NRXN3: variants seen among roughly 807,000 people sequenced by gnomAD.
NRXN3 encodes the protein neurexin 3, also known as neurexin III.
Under a neutral mutation model 137.6 loss-of-function variants are expected in NRXN3, and 32 were observed. The observed-to-expected ratio is 0.23, with a 90% CI of 0.18 to 0.31. The LOEUF (loss-of-function observed/expected upper bound fraction) is 0.31, where lower values mean the gene tolerates loss of function less well. Ranked by LOEUF, NRXN3 falls within the 10% of genes least tolerant of loss-of-function variation. The pLI, the probability that NRXN3 is intolerant of heterozygous loss-of-function variation, is 1.00. For synonymous variants in NRXN3, 798 were observed against 784.5 expected, an observed-to-expected ratio of 1.02 and a Z score of -0.29; for missense variants, 1,574 against 2,062.5, an observed-to-expected ratio of 0.76 and a Z score of 4.59.
At chr14:79,026,910 C>T (rs2099598825) in intron 15 of NRXN3, among the ~76,000 whole-genome samples, 1 of 117,258 alleles carries the variant, frequency 8.5e-6, no homozygotes, top group Admixed American at 8.7e-5. Context: ...CATGCGTGAT[C>T]CCAGAAAAAA....
At chr14:79,632,457 G>A (rs1204820363) in intron 16 of NRXN3, 2 of 152,272 alleles carry the variant, frequency 1.3e-5, no homozygotes, top group Non-Finnish European at 2.9e-5. Flanking sequence ...TCAGGACAGA[G>A]GGAGCAGAAG....
At chr14:79,296,280 G>A (rs148652719) in intron 15 of NRXN3, among the ~76,000 whole-genome samples, 2 of 152,216 alleles carry the variant, frequency 1.3e-5, no homozygotes, top group Non-Finnish European at 2.9e-5. Flanking sequence ...ACGTTGTAGT[G>A]TGACAAACAT....
intron 8 of NRXN3, among the ~76,000 whole-genome samples, chr14:78,760,590 A>G (rs750592288): frequency 3.3e-5 from 5 of 151,218 alleles, no homozygotes; most frequent in Non-Finnish European, 5.9e-5. Context: ...TTGAACATAC[A>G]TTTGGCAAGG....
rs191690043 is a variant in NRXN3, at chr14:79,497,851, A to G, written c.3444+30449A>G. ...GGAGCTCGAGACCAGCCTGGCCAAC[A>G]TAGTGAAACCCCGTCTCTACTAAAA... On this transcript the variant is annotated intron_variant, in intron 16 of 20. Transcript: ENST00000335750. Among the ~76,000 whole-genome samples the G allele has an allele frequency of 3.5e-3, 530 of 152,292 alleles. 4 individuals are homozygous for G. Among genetic ancestry groups the G allele is most frequent in the Middle Eastern group, 0.017 (5 of 294 alleles).
At chr14:79,581,055 TGTTAGGGC>T (rs2097710957) in intron 16 of NRXN3, among the ~76,000 whole-genome samples, 1 of 152,144 alleles carries the variant, frequency 6.6e-6, no homozygotes, top group African/African-American at 2.4e-5. Flanking sequence ...TCCGTGGTCC[TGTTAGGGC>T]ACCTTTTCCA....
chr14:79,241,771 G>A (rs2074342889), intron 15 of NRXN3, among the ~76,000 whole-genome samples: 1 of 152,060 alleles, frequency 6.6e-6, no homozygotes, highest in Non-Finnish European at 1.5e-5. Context: ...CATTCATGTT[G>A]AAAATTAAAT....
At chr14:78,749,626 C>A (rs916465595) in intron 8 of NRXN3, among the ~76,000 whole-genome samples, 2 of 152,136 alleles carry the variant, frequency 1.3e-5, no homozygotes, top group Admixed American at 1.3e-4. Context: ...TTTATTGTTT[C>A]ATTTATAATC....
intron 4 of NRXN3, among the ~76,000 whole-genome samples, chr14:78,402,030 T>C (rs936580031): frequency 2.0e-5 from 3 of 152,236 alleles, no homozygotes; most frequent in Non-Finnish European, 4.4e-5. Flanking sequence ...TGGTGAGTGA[T>C]GAATCACTGA....
chr14:78,759,081 C>T (rs917393208), intron 8 of NRXN3, among the ~76,000 whole-genome samples: 9 of 152,332 alleles, frequency 5.9e-5, no homozygotes, highest in Middle Eastern at 6.8e-3. Context: ...TTCACCCACA[C>T]CACAAATGTA....
chr14:79,765,321 T>C (rs2099052279), intron 19 of NRXN3, among the ~76,000 whole-genome samples: 1 of 152,222 alleles, frequency 6.6e-6, no homozygotes, highest in Non-Finnish European at 1.5e-5. Context: ...AATTCACTTG[T>C]AGCCTATCCA....
At chr14:79,279,616 T>A in intron 15 of NRXN3, 5 of 987,206 alleles carry the variant, frequency 5.1e-6, no homozygotes, top group Non-Finnish European at 6.0e-6. Flanking sequence ...TGGCTGCTGC[T>A]GCTGCTGGTT....
intron 10 of NRXN3, among the ~76,000 whole-genome samples, chr14:78,865,363 G>A (rs1012016936): frequency 1.3e-5 from 2 of 152,166 alleles, no homozygotes; most frequent in South Asian, 2.1e-4. Context: ...ATTAATGATA[G>A]TGAAGTTGTA....
chr14:78,180,978 A>G (rs1171798253), intron 1 of NRXN3, among the ~76,000 whole-genome samples: 2 of 152,210 alleles, frequency 1.3e-5, no homozygotes, highest in South Asian at 2.1e-4. Context: ...CTCTTTAGGG[A>G]CAAGAGCCTG....
rs115770539 is a variant in NRXN3 at position 78,561,124 on chromosome 14, C to T, written c.758-83996C>T. Among the ~76,000 whole-genome samples the T allele has an allele frequency of 3.8e-3, 580 of 152,284 alleles. 2 individuals carry two copies. Among genetic ancestry groups the T allele is most frequent in the African/African-American group, 0.012 (510 of 41,558 alleles). The stretch of plus-strand genomic sequence containing the variant: ...TATCTTGGACGTTCAGGGACCTATA[C>T]GCTCAGAAGCTTGGCTGCTTTTTGA... On this transcript the variant is annotated intron_variant, in intron 4 of 20. Coordinates refer to ENST00000335750, the MANE Select transcript of NRXN3 (RefSeq NM_001330195.2).
At chr14:78,785,394 C>T (rs550578864) in intron 8 of NRXN3, among the ~76,000 whole-genome samples, 2 of 152,148 alleles carry the variant, frequency 1.3e-5, no homozygotes, top group African/African-American at 2.4e-5. Flanking sequence ...TCTGCTGCAG[C>T]GCTATTCTTG....
intron 16 of NRXN3, among the ~76,000 whole-genome samples, chr14:79,567,315 A>G (rs2097559775): frequency 6.6e-6 from 1 of 152,056 alleles, no homozygotes; most frequent in Admixed American, 6.6e-5. Flanking sequence ...TTTTGTATTT[A>G]TGCAAGAAAT....
At chr14:78,906,424 C>A (rs2099216890) in intron 10 of NRXN3, among the ~76,000 whole-genome samples, 1 of 152,052 alleles carries the variant, frequency 6.6e-6, no homozygotes, top group Non-Finnish European at 1.5e-5. Context: ...GTCTACACAC[C>A]TTCCTGACAC....
chr14:78,853,171 A>G (rs1376290909), intron 10 of NRXN3, among the ~76,000 whole-genome samples: 1 of 151,994 alleles, frequency 6.6e-6, no homozygotes, highest in East Asian at 1.9e-4. Flanking sequence ...GCACCCATTA[A>G]CTCATCATTT....
intron 16 of NRXN3, among the ~76,000 whole-genome samples, chr14:79,517,101 C>G (rs997991756): frequency 6.6e-6 from 1 of 150,478 alleles, no homozygotes; most frequent in South Asian, 2.1e-4. Context: ...AGCCCCCCCC[C>G]CCTCAACGAA....
Sources: allele counts gnomAD v4.1 joint callset (sites outside exome capture counted in the v4.1 genomes callset), GRCh38; gene constraint gnomAD v4.1.1; transcripts MANE v1.5; gene names NCBI Gene and HGNC (gene_info 2026-07-23, HGNC 2026-07-21).